GRK3: variants seen among roughly 807,000 people sequenced by gnomAD.
GRK3 encodes G protein-coupled receptor kinase 3.
Under a neutral mutation model 95.7 loss-of-function variants are expected in GRK3, and 54 were observed. The observed-to-expected ratio is 0.56, with a 90% CI of 0.45 to 0.71. The LOEUF (loss-of-function observed/expected upper bound fraction) is 0.71. Among genes scored for constraint, GRK3 ranks in the 30% least tolerant of loss-of-function variants. The pLI is 0.00. For synonymous variants in GRK3, 281 were observed against 290.8 expected (o/e 0.97, Z 0.34); for missense variants, 649 against 851.2 (o/e 0.76, Z 2.96).
At chr22:25,700,010 G>A (rs925263331) in intron 13 of GRK3, among the ~76,000 whole-genome samples, 5 of 152,108 alleles carry the variant, frequency 3.3e-5, no homozygotes, top group Non-Finnish European at 5.9e-5. Flanking sequence ...TCTGTTTTCT[G>A]TTTTAATCCT....
intron 3 of GRK3, among the ~76,000 whole-genome samples, chr22:25,645,551 G>C (rs2084775014): frequency 6.6e-6 from 1 of 152,178 alleles, no homozygotes. Context: ...CTGAAAACTT[G>C]TAATGGGCAG....
intron 1 of GRK3, among the ~76,000 whole-genome samples, chr22:25,570,105 T>C (rs1931636103): frequency 6.6e-6 from 1 of 152,164 alleles, no homozygotes; most frequent in Non-Finnish European, 1.5e-5. Flanking sequence ...AAAAAATCCT[T>C]TTTCGTACTC....
intron 5 of GRK3, among the ~76,000 whole-genome samples, chr22:25,667,118 G>A (rs191975716): frequency 2.3e-3 from 354 of 152,204 alleles, no homozygotes; most frequent in Non-Finnish European, 3.4e-3. Flanking sequence ...CTGCAGTTTG[G>A]TAGCCTTACC....
intron 1 of GRK3, among the ~76,000 whole-genome samples, chr22:25,592,744 C>G (rs77938721): frequency 0.12 from 15,482 of 125,354 alleles, 123 homozygotes; most frequent in Middle Eastern, 0.2. Context: ...TATGACTGAT[C>G]CCATTGCCTA....
chr22:25,644,233 A>G (rs1331194668), intron 2 of GRK3, among the ~76,000 whole-genome samples: 1 of 151,344 alleles, frequency 6.6e-6, no homozygotes, highest in Non-Finnish European at 1.5e-5. Context: ...ACCAACACAT[A>G]CTGTCTGTAT....
At chr22:25,702,485 G>A (rs189355560) in intron 13 of GRK3, among the ~76,000 whole-genome samples, 1 of 151,970 alleles carries the variant, frequency 6.6e-6, no homozygotes, top group Admixed American at 6.6e-5. Context: ...TACTTTGTAG[G>A]CACATCTTGT....
At chr22:25,667,610 C>A in intron 5 of GRK3, 129 bp from the exon 6 acceptor site, 1 of 624,302 alleles carries the variant, frequency 1.6e-6, no homozygotes, top group Admixed American at 2.8e-5. Context: ...CGGAGAAGGG[C>A]AGGTACCAGA....
chr22:25,608,763 C>T (rs905404509), intron 2 of GRK3, among the ~76,000 whole-genome samples: 3 of 152,222 alleles, frequency 2.0e-5, no homozygotes, highest in South Asian at 2.1e-4. Flanking sequence ...GGCTGACCGA[C>T]ACCTTGAATT....
intron 13 of GRK3, among the ~76,000 whole-genome samples, chr22:25,695,884 G>A (rs765254428): frequency 2.0e-5 from 3 of 150,612 alleles, no homozygotes; most frequent in African/African-American, 7.3e-5. Context: ...TCCCAGGCTG[G>A]AGTGCAGTGG....
intron 13 of GRK3, chr22:25,702,911 C>T (rs1482676354): frequency 4.4e-6 from 2 of 455,740 alleles, no homozygotes; most frequent in East Asian, 1.4e-4. Context: ...AACTTGAACC[C>T]AGCTTTTCTG....
intron 2 of GRK3, among the ~76,000 whole-genome samples, chr22:25,644,146 TGTTTG>T (rs1339458916): frequency 2.3e-4 from 34 of 151,088 alleles, no homozygotes; most frequent in Middle Eastern, 7.0e-3. Context: ...TTTTTTTTTT[TGTTTG>T]TTTGTTTTTT....
chr22:25,602,104 A>G (rs1322062597), intron 1 of GRK3, among the ~76,000 whole-genome samples: 1 of 152,240 alleles, frequency 6.6e-6, no homozygotes, highest in Non-Finnish European at 1.5e-5. Context: ...TCTGGACTAA[A>G]TAAAGAAGTT....
chr22:25,611,513 T>C (rs929746975), intron 2 of GRK3, among the ~76,000 whole-genome samples: 5 of 152,236 alleles, frequency 3.3e-5, no homozygotes, highest in Non-Finnish European at 5.9e-5. Context: ...TGTATCCATT[T>C]GAATGGATAG....
rs542428356 is a variant in GRK3, at chr22:25,655,408, G to A, written c.265-6168G>A. On this transcript the variant is annotated intron_variant, in intron 3 of 20. Coordinates refer to ENST00000324198, the MANE Select transcript of GRK3 (RefSeq NM_005160.4). ...CCCCAGCCTAGAATGCTGCTGCTTC[G>A]CTTGTTGAAAGCCTAGCTTTCTCTA... Among the ~76,000 whole-genome samples the A allele has an allele frequency of 7.9e-5, 12 of 152,222 alleles. No individual in the cohort carries two copies. In the South Asian group the frequency reaches 2.1e-3, roughly 26 times the overall value.
At chr22:25,581,373 G>A (rs1225276031) in intron 1 of GRK3, 1 of 152,188 alleles carries the variant, frequency 6.6e-6, no homozygotes, top group Non-Finnish European at 1.5e-5. Flanking sequence ...AATAGCACTG[G>A]TGACTTAAGA....
intron 1 of GRK3, among the ~76,000 whole-genome samples, chr22:25,600,554 G>A (rs1446982310): frequency 6.6e-6 from 1 of 152,126 alleles, no homozygotes; most frequent in Non-Finnish European, 1.5e-5. Flanking sequence ...AACCAATACA[G>A]TATAACAACT....
chr22:25,589,466 A>G (rs1454083738), intron 1 of GRK3, among the ~76,000 whole-genome samples: 1 of 152,192 alleles, frequency 6.6e-6, no homozygotes, highest in African/African-American at 2.4e-5. Context: ...CATGACAGGT[A>G]GGGCTGGTAT....
chr22:25,691,764 T>C (rs1024596986), intron 12 of GRK3, among the ~76,000 whole-genome samples: 1 of 152,230 alleles, frequency 6.6e-6, no homozygotes, highest in Non-Finnish European at 1.5e-5. Flanking sequence ...TGGGGTTATT[T>C]ATTTCCTAGC....
At chr22:25,638,360 AAAGATATTTGCTT>A (rs755410925) in intron 2 of GRK3, among the ~76,000 whole-genome samples, 16 of 152,228 alleles carry the variant, frequency 1.1e-4, no homozygotes, top group Non-Finnish European at 2.1e-4. Flanking sequence ...AGAAGAAAGC[AAAGATATTTGCTT>A]AACATACACA....
Sources: allele counts gnomAD v4.1 joint callset (sites outside exome capture counted in the v4.1 genomes callset), GRCh38; gene constraint gnomAD v4.1.1; transcripts MANE v1.5; gene names NCBI Gene and HGNC (gene_info 2026-07-23, HGNC 2026-07-21).